ZNF23: variants seen among roughly 807,000 people sequenced by gnomAD.
ZNF23 encodes kruppel-like zinc finger factor X31.
Under a neutral mutation model 56.2 loss-of-function variants are expected in ZNF23, and 48 were observed. The observed-to-expected ratio is 0.85, with a 90% CI of 0.68 to 1.09. The LOEUF (loss-of-function observed/expected upper bound fraction) is 1.09. Ranked by LOEUF, ZNF23 falls within the 50% of genes least tolerant of loss-of-function variation. The pLI is 0.00. For synonymous variants in ZNF23, 266 were observed against 283.3 expected, an observed-to-expected ratio of 0.94 and a Z score of 0.61; for missense variants, 805 against 811.4, an observed-to-expected ratio of 0.99 and a Z score of 0.10.
chr16:71,453,034 T>C (rs2043107410), intron 4 of ZNF23, among the ~76,000 whole-genome samples: 1 of 152,136 alleles, frequency 6.6e-6, no homozygotes, highest in African/African-American at 2.4e-5. Flanking sequence ...AATGAAGGGT[T>C]TGAAAAAAGA....
chr16:71,459,982 A>C (rs957478947), intron 1 of ZNF23, among the ~76,000 whole-genome samples: 1 of 152,230 alleles, frequency 6.6e-6, no homozygotes, highest in Non-Finnish European at 1.5e-5. Flanking sequence ...TACCCCGCTC[A>C]GCTAGTCAAG....
intron 1 of ZNF23, among the ~76,000 whole-genome samples, chr16:71,458,465 T>C (rs1451275098): frequency 6.6e-6 from 1 of 152,222 alleles, no homozygotes; most frequent in Non-Finnish European, 1.5e-5. Context: ...CTAGACCTTT[T>C]TCCCAGGGTT....
At position 71,448,761 on chromosome 16, in the gene ZNF23, A is replaced by G; in HGVS notation, c.1393T>C (p.Cys465Arg). ...CTGAAGGCTTTCCCGCATTCATTACACTCATAGGGTTTCTCGCCTGTGTGA... is the reference window on the plus strand; with the variant it reads ...CTGAAGGCTTTCCCGCATTCATTACGCTCATAGGGTTTCTCGCCTGTGTGA... ...RIHTGEKPYE[C>R]NECGKAFRCN... is the part of the protein sequence containing the mutation. Residue 465 changes from cysteine (C) to arginine (R), a missense_variant, in exon 5 of 5, where the codon TGT (cysteine) becomes CGT (arginine). By Grantham distance (180) the Cys-to-Arg change is radical. Coordinates refer to ENST00000647773, the MANE Select transcript of ZNF23 (RefSeq NM_001381984.1). The G allele has an allele frequency of 6.2e-7, 1 of 1,614,118 alleles. No homozygotes were observed. Among genetic ancestry groups the G allele is most frequent in the Non-Finnish European group, 8.5e-7 (1 of 1,180,028 alleles).
chr16:71,451,788 A>C (rs1205415804), intron 4 of ZNF23: 1 of 152,204 alleles, frequency 6.6e-6, no homozygotes, highest in Non-Finnish European at 1.5e-5. Flanking sequence ...CCAGAAGTCT[A>C]TTCCTGCTTT....
At chr16:71,455,755 TGTGAA>T (rs1164549921) in intron 2 of ZNF23, among the ~76,000 whole-genome samples, 2 of 152,342 alleles carry the variant, frequency 1.3e-5, no homozygotes, top group East Asian at 1.9e-4. Context: ...GATTCTTCTT[TGTGAA>T]GTGGTCACCG....
At chr16:71,453,717 T>C (rs879597245) in intron 3 of ZNF23, 4 of 510,992 alleles carry the variant, frequency 7.8e-6, no homozygotes, top group Non-Finnish European at 1.4e-5. Flanking sequence ...ACTGAGATCC[T>C]TGAAAAGACT....
rs774877412 is a variant in ZNF23 at position 71,449,788 on chromosome 16, G to A, written c.366C>T (p.Asp122=). 3.1e-6 allele frequency: 5 copies of A among 1,613,930 alleles called. No homozygotes were observed. The highest frequency in any genetic ancestry group is 4.2e-6 in the Non-Finnish European group (5 of 1,180,028). ...ELQRDFSQET[D]FSEASLLEKQ... ...TCTCTAGAAGAGAGGCTTCTGAAAA[G>A]TCTGTTTCCTGGGAAAAGTCTCTTT... The change falls in exon 5 of 5, where the codon GAC becomes GAT. Residue 122 remains aspartate, a synonymous_variant. Coordinates refer to ENST00000647773, the MANE Select transcript of ZNF23 (RefSeq NM_001381984.1).
chr16:71,456,004 T>C (rs771214014), intron 2 of ZNF23: 218 of 456,424 alleles, frequency 4.8e-4, no homozygotes, highest in Non-Finnish European at 8.2e-4. Flanking sequence ...ACAAAGGGCT[T>C]AGTATGGCTC....
intron 1 of ZNF23, among the ~76,000 whole-genome samples, chr16:71,459,656 T>G (rs2145136791): frequency 6.6e-6 from 1 of 152,378 alleles, no homozygotes; most frequent in South Asian, 2.1e-4. Flanking sequence ...GAGGTTTTTA[T>G]ATTTCATGTT....
Position 71,449,100 on chromosome 16 carries a change from C to G in ZNF23, c.1054G>C (p.Glu352Gln), listed in dbSNP as rs570346296. Residue 352 changes from glutamate (E) to glutamine (Q), a missense_variant, in exon 5 of 5, where the codon GAG (glutamate) becomes CAG (glutamine). Coordinates refer to ENST00000647773, the MANE Select transcript of ZNF23 (RefSeq NM_001381984.1). ...AACGCTTTCCCACAGTCATTACACT[C>G]GTAAGGTTTCTCTCCAGTGTGGACT... ...QRVHTGEKPY[E>Q]CNDCGKAFNV... 5.6e-6 allele frequency: 9 copies of G among 1,614,024 alleles called. No homozygotes were observed. Among genetic ancestry groups the G allele is most frequent in the South Asian group, 3.3e-5 (3 of 91,086 alleles).
intron 2 of ZNF23, among the ~76,000 whole-genome samples, chr16:71,454,532 C>T (rs753416905): frequency 6.6e-6 from 1 of 152,172 alleles, no homozygotes; most frequent in African/African-American, 2.4e-5. Flanking sequence ...CACTCCCCTG[C>T]GCCTAACCTC....
intron 2 of ZNF23, 68 bp from the exon 3 acceptor site, chr16:71,454,236 C>T (rs1488201125): frequency 9.6e-6 from 15 of 1,559,276 alleles, no homozygotes; most frequent in South Asian, 1.2e-5. Context: ...AGGGGCAGAG[C>T]GCAGTATAAG....
Position 71,448,117 on chromosome 16 carries a change from ACT to A in ZNF23, c.2035_2036del (p.Ser679CysfsTer3). On this transcript the variant is annotated frameshift_variant, in exon 5 of 5. Coordinates refer to ENST00000647773, the MANE Select transcript of ZNF23 (RefSeq NM_001381984.1). LOFTEE classifies it high-confidence loss of function. ...ATTAGGATTTTCCTTCACTATGGACACTCTGATGCTGACTGAGCTGGAAGCTA... is the reference window on the plus strand; with the variant it reads ...ATTAGGATTTTCCTTCACTATGGACACTGATGCTGACTGAGCTGGAAGCTA... ...RFSFQLSQHQ[S>X]VHSEGKS 1.2e-6 allele frequency: 2 copies of A among 1,605,206 alleles called. No homozygotes were observed.
At chr16:71,456,146 TTGCAGGTTTATGTTC>T (rs1242179345) in intron 2 of ZNF23, 4 of 442,532 alleles carry the variant, frequency 9.0e-6, no homozygotes, top group Non-Finnish European at 1.8e-5. Flanking sequence ...AAAATTTGGT[TTGCAGGTTTATGTTC>T]TGCAGGTTCC....
chr16:71,451,786 C>G (rs1215212505), intron 4 of ZNF23: 1 of 152,210 alleles, frequency 6.6e-6, no homozygotes, highest in Non-Finnish European at 1.5e-5. Context: ...CTCCAGAAGT[C>G]TATTCCTGCT....
In ZNF23 at chr16:71,462,200, C is replaced by A; in HGVS notation, c.-33+10G>T. ...GGCACGGCACACAGCGCCCGGAGCC[C>A]TGCACTCACCTCCGTAGCGGACTGC... is the stretch of plus-strand genomic sequence containing the variant. On this transcript the variant is annotated intron_variant, in intron 1 of 4. Coordinates refer to ENST00000647773, the MANE Select transcript of ZNF23 (RefSeq NM_001381984.1). The A allele has an allele frequency of 6.6e-6, 1 of 152,462 alleles. No individual in the cohort carries two copies. Among genetic ancestry groups the A allele is most frequent in the Non-Finnish European group, 1.5e-5 (1 of 68,140 alleles). The allele number at this position is 152,462 out of a possible 1,614,324, so 9.4% of individuals were successfully genotyped here.
chr16:71,456,179 A>C, intron 2 of ZNF23: 1 of 406,344 alleles, frequency 2.5e-6, no homozygotes, highest in South Asian at 1.8e-5. Context: ...TCCCCGCACA[A>C]CACCTCTTTC....
chr16:71,461,532 G>A (rs1361586680), intron 1 of ZNF23: 2 of 152,132 alleles, frequency 1.3e-5, no homozygotes, highest in African/African-American at 2.4e-5. Flanking sequence ...GCTTTTCATG[G>A]GGGTATGAAT....
chr16:71,461,419 G>C (rs2043451036), intron 1 of ZNF23, among the ~76,000 whole-genome samples: 1 of 152,162 alleles, frequency 6.6e-6, no homozygotes. Flanking sequence ...TGGTAGGAAA[G>C]AAAAGGGGTA....
Sources: allele counts gnomAD v4.1 joint callset (sites outside exome capture counted in the v4.1 genomes callset), GRCh38; gene constraint gnomAD v4.1.1; transcripts MANE v1.5; gene names NCBI Gene and HGNC (gene_info 2026-07-23, HGNC 2026-07-21).